Variants in DPP4 observed in about 807,000 individuals in gnomAD.
DPP4 encodes the protein ADCP-2.
DPP4 carries 93 observed loss-of-function variants against 122.4 expected under a neutral mutation model. The ratio of observed to expected loss-of-function variants is 0.76; its 90% CI spans 0.64 to 0.90. DPP4 has a LOEUF of 0.90. Among genes scored for constraint, DPP4 ranks in the 40% least tolerant of loss-of-function variants. The pLI, the probability that DPP4 is intolerant of heterozygous loss-of-function variation, is 0.00. For synonymous variants in DPP4, 321 were observed against 302.9 expected (o/e 1.06, Z -0.62); for missense variants, 914 against 907.3 (o/e 1.01, Z -0.09).
At chr2:162,049,614 A>C (rs1200179928) in intron 2 of DPP4, among the ~76,000 whole-genome samples, 1 of 152,122 alleles carries the variant, frequency 6.6e-6, no homozygotes, top group African/African-American at 2.4e-5. Context: ...AAACCTGTAC[A>C]TCCTGCACAT....
At chr2:162,034,914 A>G (rs1288781028) in intron 9 of DPP4, among the ~76,000 whole-genome samples, 1 of 152,142 alleles carries the variant, frequency 6.6e-6, no homozygotes, top group Non-Finnish European at 1.5e-5. Flanking sequence ...CTCTTTCTAA[A>G]GCATTTTCCC....
At chr2:162,036,162 G>A (rs1001791612) in intron 8 of DPP4, among the ~76,000 whole-genome samples, 2 of 152,070 alleles carry the variant, frequency 1.3e-5, no homozygotes, top group African/African-American at 2.4e-5. Context: ...GGGTGGAGAC[G>A]CCTAGATATT....
rs541035073 is a variant in DPP4 at position 162,010,473 on chromosome 2, T to C, written c.1833-1178A>G. Among the ~76,000 whole-genome samples, 394 of 152,338 alleles carry C rather than the reference T, an allele frequency of 2.6e-3. 3 individuals carry two copies. The highest frequency in any genetic ancestry group is 8.9e-3 in the African/African-American group (370 of 41,582). On this transcript the variant is annotated intron_variant, in intron 20 of 25. Coordinates refer to ENST00000360534, the MANE Select transcript of DPP4 (RefSeq NM_001935.4). Reference sequence around the variant, plus strand: ...AGTATATGCAATTCATCCATGTTGTTATGCTTAGCTCTTTTTAGTTGCTGC... The same window carrying C: ...AGTATATGCAATTCATCCATGTTGTCATGCTTAGCTCTTTTTAGTTGCTGC...
At chr2:162,039,852 A>C (rs1683924703) in intron 5 of DPP4, among the ~76,000 whole-genome samples, 1 of 151,974 alleles carries the variant, frequency 6.6e-6, no homozygotes, top group African/African-American at 2.4e-5. Context: ...GAAAACACAT[A>C]ATAGAAAAAA....
chr2:162,010,088 T>C (rs1682631201), intron 20 of DPP4, among the ~76,000 whole-genome samples: 1 of 152,184 alleles, frequency 6.6e-6, no homozygotes, highest in South Asian at 2.1e-4. Flanking sequence ...TGTTTTCATG[T>C]AATATGTCCT....
At chr2:162,062,056 G>T (rs555545663) in intron 2 of DPP4, among the ~76,000 whole-genome samples, 1 of 151,612 alleles carries the variant, frequency 6.6e-6, no homozygotes, top group South Asian at 2.1e-4. Flanking sequence ...ATCACCTGAG[G>T]TCAGGAGTAT....
intron 2 of DPP4, among the ~76,000 whole-genome samples, chr2:162,068,633 T>C (rs1438350521): frequency 6.6e-6 from 1 of 152,218 alleles, no homozygotes; most frequent in Admixed American, 6.5e-5. Context: ...TCCTGCTTAG[T>C]TCCTCTCTTG....
intron 2 of DPP4, among the ~76,000 whole-genome samples, chr2:162,056,949 G>A (rs1206658290): frequency 1.3e-5 from 2 of 152,104 alleles, no homozygotes; most frequent in East Asian, 3.9e-4. Context: ...CTGGACCTGT[G>A]ACTCATACCA....
At chr2:162,049,785 G>T (rs6725970) in intron 2 of DPP4, among the ~76,000 whole-genome samples, 7,094 of 152,132 alleles carry the variant, frequency 0.047, 322 homozygotes, top group African/African-American at 0.12. Flanking sequence ...GTTAATAAAA[G>T]ATTTTATTTC....
chr2:162,062,835 A>G (rs1188588930), intron 2 of DPP4, among the ~76,000 whole-genome samples: 1 of 152,178 alleles, frequency 6.6e-6, no homozygotes, highest in Admixed American at 6.5e-5. Context: ...CATCATAACG[A>G]AACTTAACTA....
intron 2 of DPP4, among the ~76,000 whole-genome samples, chr2:162,055,357 C>A (rs765488543): frequency 2.6e-5 from 4 of 152,134 alleles, no homozygotes; most frequent in African/African-American, 4.8e-5. Flanking sequence ...ACATAAGGGA[C>A]ATTAGCATAT....
rs1683720720 is a variant in DPP4 at position 162,035,117 on chromosome 2, C to G, written c.774+47G>C. ...CAAGAAGGGATTAAATGAAACCATT[C>G]TCTTCCCATCAAATCATGGAACCAC... On this transcript the variant is annotated intron_variant, in intron 9 of 25. Transcript: ENST00000360534. The G allele has an allele frequency of 6.4e-6, 10 of 1,556,384 alleles. No homozygotes were observed. The East Asian group carries it at 2.3e-4, about 35-fold the overall frequency.
At chr2:162,018,953 C>T in intron 15 of DPP4, 103 bp from the exon 16 acceptor site, 1 of 1,448,102 alleles carries the variant, frequency 6.9e-7, no homozygotes, top group Non-Finnish European at 9.3e-7. Context: ...AGCATGCCAA[C>T]GCAATCTTTA....
chr2:162,045,845 A>T (rs1346440807), intron 4 of DPP4, among the ~76,000 whole-genome samples: 2 of 152,230 alleles, frequency 1.3e-5, no homozygotes, highest in Non-Finnish European at 2.9e-5. Context: ...GATGCCTGCG[A>T]GAGTGAGGAT....
intron 22 of DPP4, among the ~76,000 whole-genome samples, chr2:162,006,516 C>G (rs1701286359): frequency 6.6e-6 from 1 of 152,054 alleles, no homozygotes; most frequent in Non-Finnish European, 1.5e-5. Flanking sequence ...TGTGGTGAAG[C>G]CTCAATTTTT....
At position 162,018,799 on chromosome 2, in the gene DPP4, A is replaced by T. The variant is rs749968205; in HGVS notation, c.1350T>A (p.Asn450Lys). ...CAGAATAGTACTGACACCTTTCCGG[A>T]TTCAGCTCACAACTGAGGCATGTCA... Reference protein sequence around the residue: ...TKVTCLSCELNPERCQYYSVS... With the variant: ...TKVTCLSCELKPERCQYYSVS... The change falls in exon 16 of 26, where the codon AAT becomes AAA. Residue 450 changes from asparagine (N) to lysine (K), a missense_variant. Transcript: ENST00000360534. The T allele has an allele frequency of 6.2e-7, 1 of 1,614,174 alleles. No individual in the cohort carries two copies. The highest frequency in any genetic ancestry group is 8.5e-7 in the Non-Finnish European group (1 of 1,180,034).
At chr2:162,028,065 AAAAAAAC>A (rs1400664074) in intron 10 of DPP4, among the ~76,000 whole-genome samples, 238 of 151,990 alleles carry the variant, frequency 1.6e-3, no homozygotes, top group African/African-American at 5.2e-3. Flanking sequence ...TTTAAAAAAA[AAAAAAAC>A]AAAAAACTGC....
intron 23 of DPP4, among the ~76,000 whole-genome samples, chr2:161,998,045 C>T (rs757771266): frequency 4.6e-5 from 7 of 152,170 alleles, no homozygotes; most frequent in Non-Finnish European, 8.8e-5. Context: ...TGAGATCCTC[C>T]TAAGACCCAT....
chr2:162,041,048 A>G (rs1413114882), intron 5 of DPP4, among the ~76,000 whole-genome samples: 2 of 144,644 alleles, frequency 1.4e-5, no homozygotes, highest in East Asian at 2.4e-4. Context: ...AGCAATAACT[A>G]AAAACATCCC....
Sources: allele counts gnomAD v4.1 joint callset (sites outside exome capture counted in the v4.1 genomes callset), GRCh38; gene constraint gnomAD v4.1.1; transcripts MANE v1.5; gene names NCBI Gene and HGNC (gene_info 2026-07-23, HGNC 2026-07-21).